EXOC4: variants seen among roughly 807,000 people sequenced by gnomAD.
EXOC4 encodes SEC8-like 1.
A neutral mutation model predicts 107.2 loss-of-function variants in EXOC4; 71 were observed. That is an observed-to-expected ratio of 0.66 (90% CI 0.55 to 0.81). The LOEUF (loss-of-function observed/expected upper bound fraction) is 0.81, where lower values mean the gene tolerates loss of function less well. Among genes scored for constraint, EXOC4 ranks in the 30% least tolerant of loss-of-function variants. The pLI is 0.00. For missense variants in EXOC4, 1,108 were observed against 1,189.6 expected (o/e 0.93, Z 1.01); for synonymous variants, 456 against 441.2 (o/e 1.03, Z -0.42).
At chr7:133,715,599 G>C (rs539255686) in intron 10 of EXOC4, among the ~76,000 whole-genome samples, 10 of 151,724 alleles carry the variant, frequency 6.6e-5, no homozygotes, top group Non-Finnish European at 1.0e-4. Context: ...CTTATATTTT[G>C]TGTGAATATA....
intron 9 of EXOC4, among the ~76,000 whole-genome samples, chr7:133,608,546 CTTTTTTTTTTT>C (rs1161155238): frequency 1.2e-4 from 10 of 85,018 alleles, no homozygotes; most frequent in African/African-American, 1.4e-4. Flanking sequence ...TGCTGTATTT[CTTTTTTTTTTT>C]TTTTTTTTTT....
At chr7:133,864,604 C>T (rs906623150) in intron 11 of EXOC4, among the ~76,000 whole-genome samples, 1 of 152,144 alleles carries the variant, frequency 6.6e-6, no homozygotes, top group Non-Finnish European at 1.5e-5. Context: ...CTGACTTTTA[C>T]GACATTTACA....
intron 7 of EXOC4, among the ~76,000 whole-genome samples, chr7:133,402,922 G>A (rs1197340293): frequency 2.3e-5 from 3 of 128,696 alleles, no homozygotes; most frequent in Non-Finnish European, 4.7e-5. Context: ...GTCTCACTCT[G>A]TCGCCAGGCT....
intron 9 of EXOC4, among the ~76,000 whole-genome samples, chr7:133,578,460 A>G (rs1275261452): frequency 6.6e-6 from 1 of 152,182 alleles, no homozygotes; most frequent in Non-Finnish European, 1.5e-5. Context: ...ATTTCCAGCC[A>G]TTATATTTCT....
chr7:133,451,060 C>T (rs142829908), intron 7 of EXOC4, among the ~76,000 whole-genome samples: 2 of 152,266 alleles, frequency 1.3e-5, no homozygotes, highest in East Asian at 1.9e-4. Flanking sequence ...GCTTTTTGTA[C>T]CTACTTCCAA....
At chr7:133,809,937 A>G (rs1797176434) in intron 10 of EXOC4, among the ~76,000 whole-genome samples, 1 of 152,202 alleles carries the variant, frequency 6.6e-6, no homozygotes, top group South Asian at 2.1e-4. Context: ...TTTTGGTTTC[A>G]TGAAAAATGA....
chr7:133,986,008 T>C (rs1470369979), intron 14 of EXOC4, among the ~76,000 whole-genome samples: 2 of 152,230 alleles, frequency 1.3e-5, no homozygotes, highest in African/African-American at 4.8e-5. Context: ...ATTGCTCCGT[T>C]ATTGAGATGT....
At chr7:133,428,738 A>G (rs1797784247) in intron 7 of EXOC4, among the ~76,000 whole-genome samples, 1 of 152,162 alleles carries the variant, frequency 6.6e-6, no homozygotes, top group Non-Finnish European at 1.5e-5. Flanking sequence ...CTGGTATGCC[A>G]CTTGCTTTCT....
intron 10 of EXOC4, among the ~76,000 whole-genome samples, chr7:133,710,414 A>C (rs1056112619): frequency 4.6e-5 from 7 of 151,936 alleles, no homozygotes; most frequent in Non-Finnish European, 5.9e-5. Flanking sequence ...TAATCCCAAC[A>C]CTTTGGGAGG....
At chr7:134,094,175 G>T in the EXOC4 span, among the ~76,000 whole-genome samples, 1 of 152,042 alleles carries the variant, frequency 6.6e-6, no homozygotes, top group Non-Finnish European at 1.5e-5. Context: ...TAATCTGCTA[G>T]CTAGGTTAAC....
chr7:134,045,143 T>C (rs776386953), intron 17 of EXOC4, among the ~76,000 whole-genome samples: 1 of 152,222 alleles, frequency 6.6e-6, no homozygotes. Context: ...ATAATTATGG[T>C]CCTCCTTAAT....
In EXOC4 at chr7:133,473,761, C is replaced by T. The variant is rs554800274; in HGVS notation, c.1183-1567C>T. Among the ~76,000 whole-genome samples, 9 of 151,772 alleles carry T rather than the reference C, an allele frequency of 5.9e-5. No homozygotes were observed. The East Asian group carries it at 9.7e-4, about 16-fold the overall frequency. On this transcript the variant is annotated intron_variant, in intron 7 of 17. Coordinates refer to ENST00000253861, the MANE Select transcript of EXOC4 (RefSeq NM_021807.4). ...TGTCGCCCAGGCTGGAGTGCAGAGGCGCGATCTCTGCTCACTGCAAGCTCC... is the reference window on the plus strand; with the variant it reads ...TGTCGCCCAGGCTGGAGTGCAGAGGTGCGATCTCTGCTCACTGCAAGCTCC...
chr7:133,608,207 A>G (rs931623350), intron 9 of EXOC4, among the ~76,000 whole-genome samples: 1 of 152,200 alleles, frequency 6.6e-6, no homozygotes, highest in African/African-American at 2.4e-5. Context: ...CGAAAACAGC[A>G]ATGGAAATAC....
At chr7:133,331,471 T>C (rs1321316950) in intron 5 of EXOC4, among the ~76,000 whole-genome samples, 64 of 138,646 alleles carry the variant, frequency 4.6e-4, no homozygotes, top group African/African-American at 1.4e-3. Context: ...CTTTTTTTTT[T>C]TTTTTTTTTT....
intron 9 of EXOC4, among the ~76,000 whole-genome samples, chr7:133,614,948 GGAA>G (rs1802160098): frequency 6.6e-6 from 1 of 152,078 alleles, no homozygotes; most frequent in African/African-American, 2.4e-5. Flanking sequence ...CAGATGATGA[GGAA>G]GAAGATCTAG....
chr7:133,479,907 T>C (rs1584949362), intron 8 of EXOC4, 143 bp from the exon 9 acceptor site: 1 of 678,078 alleles, frequency 1.5e-6, no homozygotes, highest in Non-Finnish European at 2.6e-6. Flanking sequence ...GCCCTGGCCC[T>C]GTCATGGTAT....
chr7:134,093,718 A>C, the EXOC4 span, among the ~76,000 whole-genome samples: 1 of 152,198 alleles, frequency 6.6e-6, no homozygotes, highest in Non-Finnish European at 1.5e-5. Flanking sequence ...AAATTATACC[A>C]ACCATACTCT....
At chr7:133,552,688 A>G (rs1325829948) in intron 9 of EXOC4, among the ~76,000 whole-genome samples, 2 of 152,108 alleles carry the variant, frequency 1.3e-5, no homozygotes, top group Non-Finnish European at 2.9e-5. Context: ...ATGATCATAC[A>G]TGTATGATCA....
At chr7:133,451,092 C>T (rs1798335298) in intron 7 of EXOC4, among the ~76,000 whole-genome samples, 1 of 152,162 alleles carries the variant, frequency 6.6e-6, no homozygotes, top group South Asian at 2.1e-4. Flanking sequence ...ACTTTCCTTC[C>T]ACTGATGCAA....
Sources: allele counts gnomAD v4.1 joint callset (sites outside exome capture counted in the v4.1 genomes callset), GRCh38; gene constraint gnomAD v4.1.1; transcripts MANE v1.5; gene names NCBI Gene and HGNC (gene_info 2026-07-23, HGNC 2026-07-21).